SLC60A1: variants seen among roughly 807,000 people sequenced by gnomAD.
SLC60A1 encodes the protein major facilitator superfamily domain containing 4.
chr1:205,585,084 G>GT, the SLC60A1 span: 28 of 1,060,314 alleles, frequency 2.6e-5, no homozygotes, highest in East Asian at 5.9e-4. This position sits in a 1 kb window ranked among gnomAD's most constrained non-coding sequence, Gnocchi z 4.2. Flanking sequence ...GAGCATGAAG[G>GT]TTTCCTGGAG....
the SLC60A1 span, chr1:205,592,416 G>A: frequency 3.9e-6 from 4 of 1,013,144 alleles, no homozygotes; most frequent in African/African-American, 4.9e-5. Context: ...ACGTTTTAGG[G>A]TACATGTGCA....
the SLC60A1 span, chr1:205,599,148 C>G: frequency 5.9e-5 from 95 of 1,614,162 alleles, 1 homozygote; most frequent in South Asian, 3.5e-4. Flanking sequence ...AGGCTCAGGG[C>G]AGCTATAGTT....
the SLC60A1 span, chr1:205,569,191 A>T: frequency 1.3e-6 from 2 of 1,549,278 alleles, no homozygotes; most frequent in Non-Finnish European, 1.7e-6. Flanking sequence ...ACGCTGCTGG[A>T]CCTGCGCTGT....
chr1:205,580,236 TTTC>T, the SLC60A1 span, among the ~76,000 whole-genome samples: 2 of 152,130 alleles, frequency 1.3e-5, no homozygotes, highest in African/African-American at 4.8e-5. This position sits in a 1 kb window ranked among gnomAD's most constrained non-coding sequence, Gnocchi z 5.0. Context: ...CTCTCTCTCC[TTTC>T]TTCGTCTTTC....
At chr1:205,572,884 G>A in the SLC60A1 span, among the ~76,000 whole-genome samples, 3 of 152,216 alleles carry the variant, frequency 2.0e-5, no homozygotes, top group Admixed American at 2.0e-4. Flanking sequence ...CCTGTACGTG[G>A]ATGTTCATAG....
the SLC60A1 span, among the ~76,000 whole-genome samples, chr1:205,581,265 T>C: frequency 6.6e-6 from 1 of 152,156 alleles, no homozygotes; most frequent in Non-Finnish European, 1.5e-5. The surrounding 1 kb of genome is among the most constrained non-coding windows in gnomAD (Gnocchi z 4.2). Flanking sequence ...CGGCAGGAAG[T>C]GGAAGGTTTT....
the SLC60A1 span, among the ~76,000 whole-genome samples, chr1:205,595,373 C>G: frequency 6.6e-6 from 1 of 152,222 alleles, no homozygotes; most frequent in Admixed American, 6.5e-5. Flanking sequence ...TCTTCCTGCT[C>G]TTCCTTCCAG....
chr1:205,596,544 CAAAAAAAAAAAAAAAAAAAAAAA>C, the SLC60A1 span, among the ~76,000 whole-genome samples: 2 of 49,110 alleles, frequency 4.1e-5, no homozygotes, highest in East Asian at 1.6e-3. Context: ...GACTCTGTCT[CAAAAAAAAAAAAAAAAAAAAAAA>C]AAAAAAAAAA....
the SLC60A1 span, among the ~76,000 whole-genome samples, chr1:205,577,649 C>T: frequency 2.0e-5 from 3 of 152,168 alleles, no homozygotes; most frequent in Admixed American, 6.5e-5. The surrounding 1 kb of genome is among the most constrained non-coding windows in gnomAD (Gnocchi z 5.2). Flanking sequence ...TGGCTGGGTC[C>T]GTGGCTCCTT....
At chr1:205,579,704 G>A in the SLC60A1 span, 2 of 1,603,656 alleles carry the variant, frequency 1.2e-6, no homozygotes, top group Non-Finnish European at 1.7e-6. Flanking sequence ...GAAGGGGGAG[G>A]GGATGCTTCC....
the SLC60A1 span, chr1:205,592,265 G>C: frequency 1.9e-6 from 3 of 1,613,872 alleles, no homozygotes; most frequent in African/African-American, 1.3e-5. Context: ...TGGCCTACAC[G>C]GAGGACTCGC....
the SLC60A1 span, chr1:205,591,893 G>C: frequency 2.3e-5 from 11 of 482,838 alleles, no homozygotes; most frequent in African/African-American, 2.2e-4. Flanking sequence ...TAGCTGTTAG[G>C]GGAGATGTCT....
At chr1:205,586,183 G>A in the SLC60A1 span, 13 of 1,613,346 alleles carry the variant, frequency 8.1e-6, no homozygotes, top group African/African-American at 9.3e-5. Context: ...GAATGAAGCC[G>A]GCCACCATGG....
the SLC60A1 span, chr1:205,597,719 T>C: frequency 6.3e-7 from 1 of 1,575,866 alleles, no homozygotes; most frequent in Non-Finnish European, 8.7e-7. Context: ...ACCTGGATTG[T>C]AATGCTGGCT....
the SLC60A1 span, chr1:205,585,010 G>A: frequency 6.2e-7 from 1 of 1,606,922 alleles, no homozygotes; most frequent in Admixed American, 1.7e-5. This position sits in a 1 kb window ranked among gnomAD's most constrained non-coding sequence, Gnocchi z 4.2. Context: ...GCCTCAGAGG[G>A]CGCCCCCTAC....
the SLC60A1 span, among the ~76,000 whole-genome samples, chr1:205,584,487 G>A: frequency 1.8e-3 from 269 of 149,268 alleles, 3 homozygotes; most frequent in African/African-American, 6.2e-3. Flanking sequence ...GCCTCCCAAA[G>A]TGCTGGGATT....
At chr1:205,572,650 T>G in the SLC60A1 span, among the ~76,000 whole-genome samples, 3 of 152,090 alleles carry the variant, frequency 2.0e-5, no homozygotes, top group Admixed American at 1.3e-4. Flanking sequence ...CTTCTCCCCT[T>G]GAGCTGGGCT....
At chr1:205,584,853 T>C in the SLC60A1 span, 1 of 1,607,026 alleles carries the variant, frequency 6.2e-7, no homozygotes, top group Non-Finnish European at 8.5e-7. Flanking sequence ...GACTCACCCC[T>C]GTTCTTCCTG....
At chr1:205,599,211 G>C in the SLC60A1 span, 2 of 1,614,032 alleles carry the variant, frequency 1.2e-6, no homozygotes, top group Admixed American at 3.3e-5. Context: ...TCTATATCTT[G>C]CTCCTGTTTT....
Sources: gnomAD v4.1 joint callset for allele counts (sites outside exome capture counted in the v4.1 genomes callset) on GRCh38, gnomAD v4.1.1 for gene constraint, Gnocchi (gnomAD v3.1) non-coding constraint, MANE v1.5 for transcripts, NCBI Gene and HGNC (gene_info 2026-07-23, HGNC 2026-07-21) for gene names.